The following RANBP2 variants were observed in gnomAD, a reference collection of about 807,000 sequenced individuals.
The protein encoded by RANBP2 is RAN binding protein 2.
RANBP2 carries 57 observed loss-of-function variants against 303.6 expected under a neutral mutation model. That is an observed-to-expected ratio of 0.19 (90% CI 0.15 to 0.23). The LOEUF (loss-of-function observed/expected upper bound fraction) is 0.23, where lower values mean the gene tolerates loss of function less well. Ranked by LOEUF, RANBP2 falls within the 10% of genes least tolerant of loss-of-function variation. The pLI is 1.00. For synonymous variants in RANBP2, 1,167 were observed against 1,301.5 expected, an observed-to-expected ratio of 0.90 and a Z score of 2.23; for missense variants, 3,138 against 3,780.8, an observed-to-expected ratio of 0.83 and a Z score of 4.46.
the RANBP2 span, among the ~76,000 whole-genome samples, chr2:109,329,728 A>G: frequency 6.6e-6 from 1 of 152,246 alleles, no homozygotes; most frequent in African/African-American, 2.4e-5. Flanking sequence ...GGAAGGTGAA[A>G]TGAATTGCAG....
At chr2:108,842,683 A>C in the RANBP2 span, among the ~76,000 whole-genome samples, 1 of 152,308 alleles carries the variant, frequency 6.6e-6, no homozygotes, top group East Asian at 1.9e-4. Context: ...TGTCTAAGGC[A>C]GATATCTGAA....
the RANBP2 span, among the ~76,000 whole-genome samples, chr2:109,169,637 G>T: frequency 2.6e-5 from 4 of 151,848 alleles, no homozygotes; most frequent in Middle Eastern, 3.2e-3. Context: ...AGTTTAATAG[G>T]GTTGGGCAAT....
the RANBP2 span, among the ~76,000 whole-genome samples, chr2:109,337,793 T>C: frequency 1.3e-5 from 2 of 152,092 alleles, no homozygotes; most frequent in Non-Finnish European, 2.9e-5. Flanking sequence ...AGTGGCATAA[T>C]CATAGCTCAG....
the RANBP2 span, among the ~76,000 whole-genome samples, chr2:109,520,314 T>C: frequency 6.6e-6 from 1 of 152,242 alleles, no homozygotes; most frequent in African/African-American, 2.4e-5. Context: ...TTAAGAATTA[T>C]GATGTTGGCC....
the RANBP2 span, among the ~76,000 whole-genome samples, chr2:109,438,654 C>T: frequency 6.6e-6 from 1 of 152,190 alleles, no homozygotes; most frequent in African/African-American, 2.4e-5. Flanking sequence ...GTGCCCAAGC[C>T]CACCCTGCAA....
the RANBP2 span, among the ~76,000 whole-genome samples, chr2:109,362,655 A>G: frequency 1.3e-5 from 2 of 152,096 alleles, no homozygotes; most frequent in East Asian, 3.9e-4. Flanking sequence ...GTCTCTGTCC[A>G]TTTCTGATTC....
chr2:109,323,968 G>C, the RANBP2 span, among the ~76,000 whole-genome samples: 1 of 152,098 alleles, frequency 6.6e-6, no homozygotes, highest in East Asian at 1.9e-4. Context: ...GTCACTCTCT[G>C]TTCCCCTTCC....
At chr2:109,081,049 G>C in the RANBP2 span, among the ~76,000 whole-genome samples, 10 of 152,216 alleles carry the variant, frequency 6.6e-5, no homozygotes, top group African/African-American at 1.9e-4. Context: ...CTTGATGTGT[G>C]CCTGCCCAAC....
chr2:109,400,454 T>C, the RANBP2 span, among the ~76,000 whole-genome samples: 4 of 152,024 alleles, frequency 2.6e-5, no homozygotes, highest in African/African-American at 9.7e-5. Flanking sequence ...CCCTTCCACA[T>C]GCACACACAT....
the RANBP2 span, among the ~76,000 whole-genome samples, chr2:109,087,612 T>C: frequency 6.6e-6 from 1 of 152,142 alleles, no homozygotes; most frequent in African/African-American, 2.4e-5. Flanking sequence ...CTGCTAACAC[T>C]ATGTTATCTA....
chr2:108,839,258 A>G, the RANBP2 span: 1 of 1,612,840 alleles, frequency 6.2e-7, no homozygotes, highest in Non-Finnish European at 8.5e-7. Flanking sequence ...CCTTTTGTAA[A>G]ATTTATATAT....
intron 7 of RANBP2, among the ~76,000 whole-genome samples, chr2:108,741,237 A>G (rs765019789): frequency 2.0e-5 from 3 of 151,996 alleles, no homozygotes; most frequent in African/African-American, 4.8e-5. Context: ...TCTCTCTGTC[A>G]CCAGGCTGGA....
the RANBP2 span, among the ~76,000 whole-genome samples, chr2:109,204,545 A>C: frequency 0.81 from 123,904 of 152,104 alleles, 50,553 homozygotes; most frequent in East Asian, 0.9. Flanking sequence ...TGCAATGTAC[A>C]ATGTACACAT....
chr2:109,491,758 T>C, the RANBP2 span, among the ~76,000 whole-genome samples: 1 of 152,190 alleles, frequency 6.6e-6, no homozygotes, highest in Admixed American at 6.5e-5. Context: ...ACTGAGTGCC[T>C]ACACATTGTA....
At chr2:109,734,993 A>G in the RANBP2 span, among the ~76,000 whole-genome samples, 1 of 152,150 alleles carries the variant, frequency 6.6e-6, no homozygotes, top group African/African-American at 2.4e-5. Flanking sequence ...AAACATTTAT[A>G]ATTTCTTTGT....
chr2:109,178,181 T>A, the RANBP2 span, among the ~76,000 whole-genome samples: 1 of 152,200 alleles, frequency 6.6e-6, no homozygotes, highest in African/African-American at 2.4e-5. Flanking sequence ...GAGGCACCAA[T>A]GTACCAAACA....
chr2:109,320,606 A>ACT, the RANBP2 span, among the ~76,000 whole-genome samples: 4 of 152,238 alleles, frequency 2.6e-5, no homozygotes, highest in African/African-American at 9.6e-5. Context: ...CCCTCTGCTT[A>ACT]CTAGGTCACC....
the RANBP2 span, among the ~76,000 whole-genome samples, chr2:109,496,118 C>T: frequency 5.4e-4 from 83 of 152,336 alleles, no homozygotes; most frequent in African/African-American, 1.9e-3. Context: ...TGTTTTTGTC[C>T]TATCAGAACG....
the RANBP2 span, among the ~76,000 whole-genome samples, chr2:109,466,173 C>T: frequency 6.8e-6 from 1 of 147,272 alleles, no homozygotes; most frequent in Admixed American, 7.1e-5. Flanking sequence ...ACCTCTGCCT[C>T]CCAGGTTCAA....
Sources: gnomAD v4.1 joint callset for allele counts (sites outside exome capture counted in the v4.1 genomes callset) on GRCh38, gnomAD v4.1.1 for gene constraint, MANE v1.5 for transcripts, NCBI Gene and HGNC (gene_info 2026-07-23, HGNC 2026-07-21) for gene names.